The following RBFOX1 variants were observed in gnomAD, a reference collection of about 807,000 sequenced individuals.
RBFOX1 encodes RNA binding fox-1 homolog 1.
RBFOX1 carries 8 observed loss-of-function variants against 57.7 expected under a neutral mutation model. The ratio of observed to expected loss-of-function variants is 0.14; its 90% confidence interval spans 0.08 to 0.25. The LOEUF (loss-of-function observed/expected upper bound fraction) is 0.25, where lower values mean the gene tolerates loss of function less well. Ranked by LOEUF, RBFOX1 falls within the 10% of genes least tolerant of loss-of-function variation. The pLI, the probability that RBFOX1 is intolerant of heterozygous loss-of-function variation, is 1.00. For synonymous variants in RBFOX1, 326 were observed against 222.4 expected (o/e 1.47, Z -4.15); for missense variants, 611 against 548.5 (o/e 1.11, Z -1.14).
intron 2 of RBFOX1, among the ~76,000 whole-genome samples, chr16:6,337,870 C>G (rs1888486167): frequency 1.3e-5 from 2 of 152,220 alleles, no homozygotes. Context: ...TGAGAAAACA[C>G]CCCCTTGGGT....
chr16:6,435,952 A>C (rs552758021), intron 2 of RBFOX1, among the ~76,000 whole-genome samples: 2 of 152,182 alleles, frequency 1.3e-5, no homozygotes, highest in East Asian at 3.9e-4. Context: ...TTCACTTAGC[A>C]TGTGATGGTT....
chr16:7,677,976 A>G (rs1233685643), intron 14 of RBFOX1, among the ~76,000 whole-genome samples: 1 of 152,164 alleles, frequency 6.6e-6, no homozygotes, highest in Admixed American at 6.5e-5. Context: ...GGTGTTAGCT[A>G]ATTGTAGCTA....
chr16:7,610,146 G>GTTTT (rs2057185345), intron 10 of RBFOX1, among the ~76,000 whole-genome samples: 21 of 49,366 alleles, frequency 4.3e-4, no homozygotes, highest in African/African-American at 1.7e-3. Flanking sequence ...TTTTGAGGCA[G>GTTTT]TTTTGCTCTG....
chr16:7,557,318 T>G (rs2088866402), intron 5 of RBFOX1, among the ~76,000 whole-genome samples: 2 of 152,022 alleles, frequency 1.3e-5, no homozygotes. Flanking sequence ...CCAATGACTA[T>G]TTTTAAAAAA....
chr16:7,618,545 G>A (rs1324166087), intron 10 of RBFOX1, among the ~76,000 whole-genome samples: 1 of 151,882 alleles, frequency 6.6e-6, no homozygotes, highest in African/African-American at 2.4e-5. Flanking sequence ...TTTTTTTAAT[G>A]TTTTAACTTG....
At chr16:7,674,162 A>C (rs1369684901) in intron 13 of RBFOX1, among the ~76,000 whole-genome samples, 1 of 152,320 alleles carries the variant, frequency 6.6e-6, no homozygotes, top group East Asian at 1.9e-4. Context: ...TTGCATACAG[A>C]AGAAAAATAG....
intron 3 of RBFOX1, among the ~76,000 whole-genome samples, chr16:6,826,729 C>G (rs2092195598): frequency 6.6e-6 from 1 of 152,080 alleles, no homozygotes; most frequent in African/African-American, 2.4e-5. Context: ...TTCTCACGCT[C>G]ATTTCTCTTT....
chr16:7,290,616 A>T (rs1398540073), intron 4 of RBFOX1, among the ~76,000 whole-genome samples: 4 of 152,236 alleles, frequency 2.6e-5, no homozygotes, highest in African/African-American at 9.6e-5. Context: ...AAATTTGCTC[A>T]TTCACTCAAC....
chr16:6,858,714 C>T (rs907112794), intron 3 of RBFOX1, among the ~76,000 whole-genome samples: 2 of 152,010 alleles, frequency 1.3e-5, no homozygotes, highest in African/African-American at 2.4e-5. Context: ...TATGAGTGTT[C>T]AGCTCAGCCT....
At chr16:7,156,252 A>C (rs908596732) in intron 4 of RBFOX1, among the ~76,000 whole-genome samples, 1 of 147,024 alleles carries the variant, frequency 6.8e-6, no homozygotes, top group Non-Finnish European at 1.5e-5. Context: ...ATATATGTAT[A>C]CATATGTATG....
chr16:7,710,324 T>C, intron 15 of RBFOX1: 1 of 1,220,492 alleles, frequency 8.2e-7, no homozygotes, highest in Non-Finnish European at 1.0e-6. Context: ...CAGATTATTC[T>C]GTTATAAAAA....
chr16:5,886,633 A>T (rs933875025), intron 4 of RBFOX1, among the ~76,000 whole-genome samples: 3 of 152,246 alleles, frequency 2.0e-5, no homozygotes, highest in Admixed American at 2.0e-4. Context: ...CACGCCTGTC[A>T]TCTCAGCACT....
chr16:6,276,831 A>G (rs200997152), intron 1 of RBFOX1, among the ~76,000 whole-genome samples: 2 of 128,534 alleles, frequency 1.6e-5, no homozygotes, highest in African/African-American at 5.8e-5. Context: ...TTTTTTTTTT[A>G]TTAACTATGC....
chr16:7,384,260 A>G (rs1001802920), intron 4 of RBFOX1, among the ~76,000 whole-genome samples: 2 of 152,064 alleles, frequency 1.3e-5, no homozygotes, highest in Non-Finnish European at 2.9e-5. Context: ...TGAAACTTAT[A>G]TATGAAATAT....
intron 3 of RBFOX1, among the ~76,000 whole-genome samples, chr16:5,797,429 C>T (rs2054915373): frequency 6.6e-6 from 1 of 152,182 alleles, no homozygotes; most frequent in South Asian, 2.1e-4. Context: ...TTCTGCTCTT[C>T]CTGTAACTGA....
Position 6,338,199 on chromosome 16 carries a change from C to T in RBFOX1, c.-64+21142C>T, listed in dbSNP as rs576800279. 5.9e-5 allele frequency among the ~76,000 whole-genome samples: 9 copies of T among 152,202 alleles called. No homozygotes were observed. The East Asian group carries it at 1.7e-3, about 29-fold the overall frequency. On this transcript the variant is annotated intron_variant, in intron 2 of 15. Transcript: ENST00000550418. ...TATTACATTTTATGAATATTTTCCC[C>T]ACCTCTTCACTTGAATACCTTCCCA...
intron 2 of RBFOX1, among the ~76,000 whole-genome samples, chr16:6,542,489 T>TTTTTTTTTTTTG (rs2096835874): frequency 1.7e-5 from 2 of 120,558 alleles, no homozygotes; most frequent in Non-Finnish European, 3.5e-5. Flanking sequence ...TAGTCTTTTT[T>TTTTTTTTTTTTG]TTTTTTTTTT....
intron 1 of RBFOX1, among the ~76,000 whole-genome samples, chr16:5,290,310 C>T (rs1382602087): frequency 2.0e-5 from 3 of 151,974 alleles, no homozygotes; most frequent in Non-Finnish European, 4.4e-5. Context: ...TGCAGTGAGC[C>T]GAGGTTGTGC....
intron 4 of RBFOX1, among the ~76,000 whole-genome samples, chr16:7,110,925 A>C (rs537948988): frequency 3.9e-5 from 6 of 152,302 alleles, no homozygotes; most frequent in African/African-American, 1.2e-4. Context: ...GGGTAGTAAA[A>C]GGACACCAGG....
Sources: allele counts gnomAD v4.1 joint callset (sites outside exome capture counted in the v4.1 genomes callset), GRCh38; gene constraint gnomAD v4.1.1; transcripts MANE v1.5; gene names NCBI Gene and HGNC (gene_info 2026-07-23, HGNC 2026-07-21).